The following ZC2HC1B variants were observed in gnomAD, a reference collection of about 807,000 sequenced individuals.
ZC2HC1B encodes zinc finger C2HC domain-containing protein 1B.
ZC2HC1B carries 36 observed loss-of-function variants against 31.0 expected under a neutral mutation model. That is an observed-to-expected ratio of 1.16 (90% CI 0.89 to 1.54). ZC2HC1B has a LOEUF of 1.54. Among genes scored for constraint, ZC2HC1B ranks in the 40% most tolerant of loss-of-function variants. The pLI is 0.00. For synonymous variants in ZC2HC1B, 73 were observed against 88.0 expected, an observed-to-expected ratio of 0.83 and a Z score of 0.95; for missense variants, 260 against 268.6, an observed-to-expected ratio of 0.97 and a Z score of 0.22.
chr6:143,885,574 C>T lies in ZC2HC1B; in HGVS notation c.91-458C>T, dbSNP rs898520836. Among the ~76,000 whole-genome samples, 1 of 152,188 alleles carries T rather than the reference C, an allele frequency of 6.6e-6. No individual in the cohort carries two copies. The highest frequency in any genetic ancestry group is 2.4e-5 in the African/African-American group (1 of 41,440). Reference sequence around the variant, plus strand: ...TATTTTGTGGGGTCTGACAAAGCTACTGTGTCAATGATGGTTATTATGTGT... The same window carrying T: ...TATTTTGTGGGGTCTGACAAAGCTATTGTGTCAATGATGGTTATTATGTGT... On this transcript the variant is annotated intron_variant, in intron 2 of 7. Transcript: ENST00000237275. The surrounding 1 kb of genome is among the most constrained non-coding windows in gnomAD (Gnocchi z 4.2).
At chr6:143,928,058 T>C (rs1473907938) in intron 6 of ZC2HC1B, among the ~76,000 whole-genome samples, 2 of 152,246 alleles carry the variant, frequency 1.3e-5, no homozygotes, top group Non-Finnish European at 2.9e-5. Context: ...GCAAATATTT[T>C]CTCCCATTCT....
chr6:143,886,086 A>T lies in ZC2HC1B; in HGVS notation c.145A>T (p.Ser49Cys). Residue 49 changes from serine to cysteine, a missense_variant, in exon 3 of 8, where the codon AGT (serine) becomes TGT (cysteine). Coordinates refer to ENST00000237275, the MANE Select transcript of ZC2HC1B (RefSeq NM_001013623.3). This position sits in a 1 kb window ranked among gnomAD's most constrained non-coding sequence, Gnocchi z 4.2. Reference protein sequence around the residue: ...KLFNRKRKPFSSLKQRLQGTD... With the variant: ...KLFNRKRKPFCSLKQRLQGTD... The stretch of plus-strand genomic sequence containing the variant: ...CTTCAACAGAAAGCGTAAACCTTTC[A>T]GTTCTTTGAAGCAAAGATTACAGGG... 6.5e-7 allele frequency: 1 copy of T among 1,549,396 alleles called. No individual in the cohort carries two copies. Among genetic ancestry groups the T allele is most frequent in the Non-Finnish European group, 8.7e-7 (1 of 1,146,272 alleles).
chr6:143,925,007 G>T (rs1266591358), intron 6 of ZC2HC1B, among the ~76,000 whole-genome samples: 1 of 152,086 alleles, frequency 6.6e-6, no homozygotes, highest in Non-Finnish European at 1.5e-5. Context: ...CTCACAGAAT[G>T]AGTAAGGAAG....
Position 143,886,893 on chromosome 6 carries a change from C to T in ZC2HC1B, c.349+72C>T. 1 of 1,272,408 alleles carries T rather than the reference C, an allele frequency of 7.9e-7. No homozygotes were observed. 78.8% of individuals were successfully genotyped at this position (1,272,408 alleles called of 1,614,324 possible). On this transcript the variant is annotated intron_variant, in intron 4 of 7. Transcript: ENST00000237275. This position sits in a 1 kb window ranked among gnomAD's most constrained non-coding sequence, Gnocchi z 4.2. The stretch of plus-strand genomic sequence containing the variant: ...ACCAAATCATCATGCCCTCTATGCA[C>T]TCTGAAATTGACAATAACAATTACA...
Position 143,903,270 on chromosome 6 carries a change from T to C in ZC2HC1B, c.598+118T>C. On this transcript the variant is annotated intron_variant, in intron 6 of 7. Coordinates refer to ENST00000237275, the MANE Select transcript of ZC2HC1B (RefSeq NM_001013623.3). The surrounding 1 kb of genome is among the most constrained non-coding windows in gnomAD (Gnocchi z 4.3). ...TAAGACATTCACTGTTGCTTTTGGA[T>C]GCAAAGATATTTGGGTTAGAGGTTA... The C allele has an allele frequency of 1.1e-6, 1 of 877,954 alleles. No individual in the cohort carries two copies. The highest frequency in any genetic ancestry group is 1.6e-5 in the South Asian group (1 of 61,804). 54.4% of individuals were successfully genotyped at this position (877,954 alleles called of 1,614,324 possible). A position where few individuals can be genotyped will look rare whatever the true frequency, so the allele number is the denominator to read the frequency against.
At position 143,865,446 on chromosome 6, in the gene ZC2HC1B, T is replaced by C. The variant is rs1345713288; in HGVS notation, c.28+879T>C. ...GTTGGTGCTCAGCTGTAACCTTCAC[T>C]ATAGGCTATTCCCTGAGCTTGTATT... On this transcript the variant is annotated intron_variant, in intron 1 of 7. Transcript: ENST00000237275. The surrounding 1 kb of genome is among the most constrained non-coding windows in gnomAD (Gnocchi z 4.4). Among the ~76,000 whole-genome samples the C allele has an allele frequency of 6.6e-6, 1 of 152,238 alleles. No homozygotes were observed. The highest frequency in any genetic ancestry group is 1.5e-5 in the Non-Finnish European group (1 of 68,044).
At position 143,877,031 on chromosome 6, in the gene ZC2HC1B, C is replaced by A. The variant is rs911718945; in HGVS notation, c.29-7273C>A. 5.3e-5 allele frequency among the ~76,000 whole-genome samples: 8 copies of A among 150,178 alleles called. 1 individual carries two copies. The highest frequency in any genetic ancestry group is 2.0e-4 in the African/African-American group (8 of 40,634). ...TCAAGTTGACACTCAATATTAACCA[C>A]CACAGGAGGTTTATGTCCTTCTTTT... is the stretch of plus-strand genomic sequence containing the variant. On this transcript the variant is annotated intron_variant, in intron 1 of 7. Transcript: ENST00000237275.
Position 143,934,888 on chromosome 6 carries a change from G to C in ZC2HC1B, c.599-2761G>C, listed in dbSNP as rs1778158600. ...CCCCAGGTAGCATACGTGGGCACTG[G>C]TGTTAGCAGGTCCAGGCAGACCAAT... On this transcript the variant is annotated intron_variant, in intron 6 of 7. Transcript: ENST00000237275. The surrounding 1 kb of genome is among the most constrained non-coding windows in gnomAD (Gnocchi z 4.6). Among the ~76,000 whole-genome samples the C allele has an allele frequency of 6.6e-6, 1 of 152,146 alleles. No homozygotes were observed. Among genetic ancestry groups the C allele is most frequent in the African/African-American group, 2.4e-5 (1 of 41,422 alleles).
At chr6:143,926,999 C>CGT (rs1778060898) in intron 6 of ZC2HC1B, among the ~76,000 whole-genome samples, 1 of 138,462 alleles carries the variant, frequency 7.2e-6, no homozygotes, top group Admixed American at 7.2e-5. Context: ...GGGGTTTCAC[C>CGT]TTGTTAGCCA....
intron 1 of ZC2HC1B, 55 bp downstream of exon 1, chr6:143,864,622 C>G (rs1000449459): frequency 1.3e-6 from 2 of 1,531,746 alleles, no homozygotes; most frequent in African/African-American, 2.8e-5. Flanking sequence ...TGTAATCATT[C>G]ATTTATGGCT....
chr6:143,937,372 G>T (rs1225147190), intron 6 of ZC2HC1B, among the ~76,000 whole-genome samples: 1 of 152,154 alleles, frequency 6.6e-6, no homozygotes, highest in African/African-American at 2.4e-5. Flanking sequence ...AGTGTATAAA[G>T]GGTGGGTCAC....
chr6:143,930,953 G>C (rs933032987), intron 6 of ZC2HC1B, among the ~76,000 whole-genome samples: 1 of 152,150 alleles, frequency 6.6e-6, no homozygotes, highest in Non-Finnish European at 1.5e-5. Context: ...GATCTGTTTG[G>C]TGCTGTCAGT....
In ZC2HC1B at chr6:143,914,427, A is replaced by T. The variant is rs183915146; in HGVS notation, c.598+11275A>T. On this transcript the variant is annotated intron_variant, in intron 6 of 7. Coordinates refer to ENST00000237275, the MANE Select transcript of ZC2HC1B (RefSeq NM_001013623.3). ...TTCTGCTTTATCTCACCGTGGTTGG[A>T]GAAGACACTTCATATGATATATGTC... Among the ~76,000 whole-genome samples, 5 of 152,312 alleles carry T rather than the reference A, an allele frequency of 3.3e-5. No individual in the cohort carries two copies. The East Asian group carries it at 9.6e-4, about 29-fold the overall frequency.
In ZC2HC1B at chr6:143,937,685, G is replaced by C. The variant is rs1778194601; in HGVS notation, c.635G>C (p.Arg212Thr). The change falls in exon 7 of 8, where the codon AGA (arginine) becomes ACA (threonine). Residue 212 changes from arginine (R) to threonine (T), a missense_variant. By Grantham distance (71) the Arg-to-Thr change is moderately conservative. Transcript: ENST00000237275. ...GACCCTGCTTCTGGAGCAAAACTCAGACAAGGATTTAGTAAATCTTCTAAA... is the reference window on the plus strand; with the variant it reads ...GACCCTGCTTCTGGAGCAAAACTCACACAAGGATTTAGTAAATCTTCTAAA... ...AMDPASGAKLRQGFSKSSKKD is the reference protein window; with the variant it reads ...AMDPASGAKLTQGFSKSSKKD 1 of 1,551,052 alleles carries C rather than the reference G, an allele frequency of 6.4e-7. No homozygotes were observed. Among genetic ancestry groups the C allele is most frequent in the East Asian group, 2.4e-5 (1 of 40,892 alleles).
rs536679151 is a variant in ZC2HC1B, at chr6:143,908,988, G to C, written c.598+5836G>C. On this transcript the variant is annotated intron_variant, in intron 6 of 7. Coordinates refer to ENST00000237275, the MANE Select transcript of ZC2HC1B (RefSeq NM_001013623.3). The surrounding 1 kb of genome is among the most constrained non-coding windows in gnomAD (Gnocchi z 4.4). Reference sequence around the variant, plus strand: ...TTTATTGAGCGTTTTTAACATAAAGGGATGTTGAAATTTATTGAAGGTCCT... The same window carrying C: ...TTTATTGAGCGTTTTTAACATAAAGCGATGTTGAAATTTATTGAAGGTCCT... Among the ~76,000 whole-genome samples, 1 of 152,220 alleles carries C rather than the reference G, an allele frequency of 6.6e-6. No individual in the cohort carries two copies. The highest frequency in any genetic ancestry group is 2.1e-4 in the South Asian group (1 of 4,826).
At chr6:143,890,385 A>C (rs1158671684) in intron 4 of ZC2HC1B, among the ~76,000 whole-genome samples, 1 of 151,102 alleles carries the variant, frequency 6.6e-6, no homozygotes, top group Non-Finnish European at 1.5e-5. Context: ...TACATGTTAA[A>C]AACAATACAA....
chr6:143,880,025 C>A (rs1001214912), intron 1 of ZC2HC1B, among the ~76,000 whole-genome samples: 9 of 151,856 alleles, frequency 5.9e-5, no homozygotes, highest in Admixed American at 1.3e-4. Flanking sequence ...GAGAGTCTCA[C>A]TGTGTTTCCC....
intron 1 of ZC2HC1B, among the ~76,000 whole-genome samples, chr6:143,880,861 G>T (rs1453042288): frequency 4.6e-5 from 7 of 152,064 alleles, no homozygotes; most frequent in Non-Finnish European, 1.0e-4. Context: ...TTACAAAATA[G>T]CACAGAGAGA....
At chr6:143,873,714 G>T (rs979112649) in intron 1 of ZC2HC1B, among the ~76,000 whole-genome samples, 2 of 152,240 alleles carry the variant, frequency 1.3e-5, no homozygotes, top group Admixed American at 6.5e-5. Flanking sequence ...CTGTACATTG[G>T]CCCCAATCAG....
Sources: gnomAD v4.1 joint callset for allele counts (sites outside exome capture counted in the v4.1 genomes callset) on GRCh38, gnomAD v4.1.1 for gene constraint, Gnocchi (gnomAD v3.1) non-coding constraint, MANE v1.5 for transcripts, NCBI Gene and HGNC (gene_info 2026-07-23, HGNC 2026-07-21) for gene names.